CSF3R: variants seen among roughly 807,000 people sequenced by gnomAD.
CSF3R encodes colony stimulating factor 3 receptor.
Under a neutral mutation model 84.4 loss-of-function variants are expected in CSF3R, and 52 were observed. The ratio of observed to expected loss-of-function variants is 0.62; its 90% CI spans 0.49 to 0.78. CSF3R has a LOEUF of 0.78. CSF3R is among the 30% of genes least tolerant of loss of function. The pLI is 0.00. For synonymous variants in CSF3R, 384 were observed against 429.1 expected, an observed-to-expected ratio of 0.89 and a Z score of 1.30; for missense variants, 890 against 1,055.7, an observed-to-expected ratio of 0.84 and a Z score of 2.17.
chr1:36,473,964 G>T, intron 4 of CSF3R, 77 bp from the exon 5 acceptor site: 1 of 1,605,256 alleles, frequency 6.2e-7, no homozygotes, highest in Non-Finnish European at 8.5e-7. Flanking sequence ...AGCTGGCCCT[G>T]TTGCCTTGCC....
Position 36,472,222 on chromosome 1 carries a change from C to A in CSF3R, c.997+16G>T, listed in dbSNP as rs1269326447. 2 of 1,614,074 alleles carry A rather than the reference C, an allele frequency of 1.2e-6. No homozygotes were observed. The highest frequency in any genetic ancestry group is 1.3e-5 in the African/African-American group (1 of 74,918). ...GGATACTGTTGGCTGCTCCCAGCCTCTCATCACCTCCTTACCCCGTTCGGT... is the reference window on the plus strand; with the variant it reads ...GGATACTGTTGGCTGCTCCCAGCCTATCATCACCTCCTTACCCCGTTCGGT... On this transcript the variant is annotated intron_variant, in intron 8 of 16. Transcript: ENST00000373106. This position sits in a 1 kb window ranked among gnomAD's most constrained non-coding sequence, Gnocchi z 5.0.
chr1:36,473,569 T>C lies in CSF3R; in HGVS notation c.539A>G (p.Lys180Arg). The change falls in exon 6 of 17, where the codon AAG becomes AGG. Residue 180 changes from lysine to arginine, a missense_variant. Lys to Arg is a conservative substitution (Grantham distance 26). Coordinates refer to ENST00000373106, the MANE Select transcript of CSF3R (RefSeq NM_000760.4). ...GATGCAGCAGTGGCTCTGCCCGTCC[T>C]TGGGCACGCAGTCCAGGATGGAGTC... ...QGDSILDCVPKDGQSHCCIPR... is the reference protein window; with the variant it reads ...QGDSILDCVPRDGQSHCCIPR... 7 of 1,614,184 alleles carry C rather than the reference T, an allele frequency of 4.3e-6. No individual in the cohort carries two copies. Among genetic ancestry groups the C allele is most frequent in the Non-Finnish European group, 5.9e-6 (7 of 1,180,060 alleles).
At chr1:36,479,582 G>T in intron 2 of CSF3R, 66 bp from the exon 3 acceptor site, 3 of 1,289,060 alleles carry the variant, frequency 2.3e-6, no homozygotes, top group Admixed American at 1.7e-5. Flanking sequence ...ATCCTTGTCT[G>T]TCACTGTGCA....
In CSF3R at chr1:36,475,470, G is replaced by A. The variant is rs2124136418; in HGVS notation, c.268C>T (p.Pro90Ser). 1.2e-6 allele frequency: 2 copies of A among 1,614,150 alleles called. No individual in the cohort carries two copies. The highest frequency in any genetic ancestry group is 1.1e-5 in the South Asian group (1 of 91,076). The change falls in exon 4 of 17, where the codon CCC becomes TCC. Residue 90 changes from proline (P) to serine (S), a missense_variant. Coordinates refer to ENST00000373106, the MANE Select transcript of CSF3R (RefSeq NM_000760.4). The stretch of plus-strand genomic sequence containing the variant: ...AAGGCCTGAGTGTGGTTGAGGTGGG[G>A]CAGGGTGATGATAGATTCCTGGGTC... ...DGTQESIITL[P>S]HLNHTQAFLS...
chr1:36,475,252 C>T (rs756659093), intron 4 of CSF3R, 125 bp downstream of exon 4: 10 of 1,198,328 alleles, frequency 8.3e-6, no homozygotes, highest in Non-Finnish European at 1.2e-5. Flanking sequence ...GGTGATCCGC[C>T]TGCCTCGGCC....
In CSF3R at chr1:36,471,561, G is replaced by C; in HGVS notation, c.1157C>G (p.Pro386Arg). Reference sequence around the variant, plus strand: ...GCTGAGCTCTGTGGTGTTGCAGAGGGGCAGGATGGCCCCAGCCTGGCCTGA... The same window carrying C: ...GCTGAGCTCTGTGGTGTTGCAGAGGCGCAGGATGGCCCCAGCCTGGCCTGA... ...RPSGQAGAIL[P>R]LCNTTELSCT... The change falls in exon 10 of 17, where the codon CCC (proline) becomes CGC (arginine). Residue 386 changes from proline to arginine, a missense_variant. By Grantham distance (103) the Pro-to-Arg change is moderately radical. Transcript: ENST00000373106. 1 of 1,614,258 alleles carries C rather than the reference G, an allele frequency of 6.2e-7. No homozygotes were observed. Among genetic ancestry groups the C allele is most frequent in the Non-Finnish European group, 8.5e-7 (1 of 1,180,048 alleles).
At chr1:36,471,889 G>A (rs558413464) in intron 9 of CSF3R, 177 bp downstream of exon 9, 18 of 721,266 alleles carry the variant, frequency 2.5e-5, no homozygotes, top group East Asian at 1.3e-4. Context: ...TGTGACGTGC[G>A]TTACAGTCTG....
rs892304552 is a variant in CSF3R at position 36,472,976 on chromosome 1, T to G, written c.674-290A>C. On this transcript the variant is annotated intron_variant, in intron 6 of 16. Transcript: ENST00000373106. The surrounding 1 kb of genome is among the most constrained non-coding windows in gnomAD (Gnocchi z 5.0). Reference sequence around the variant, plus strand: ...ATCTGCTCAATTGTCACCCTCTTAGTGAGGCCTTTCTTGACCAGCATATTA... The same window carrying G: ...ATCTGCTCAATTGTCACCCTCTTAGGGAGGCCTTTCTTGACCAGCATATTA... 19 of 466,636 alleles carry G rather than the reference T, an allele frequency of 4.1e-5. No individual in the cohort carries two copies. Among genetic ancestry groups the G allele is most frequent in the Non-Finnish European group, 6.8e-5 (18 of 263,528 alleles). The allele number at this position is 466,636 out of a possible 1,614,324, so 28.9% of individuals were successfully genotyped here. A position where few individuals can be genotyped will look rare whatever the true frequency, so the allele number is the denominator to read the frequency against.
rs3917995 is a variant in CSF3R at position 36,468,511 on chromosome 1, G to A, written c.1577-290C>T. Reference sequence around the variant, plus strand: ...CTCTGATTTCTGCCACTCACTCTCCGAATTTATGCCAGGTCCTCTGTCCAA... The same window carrying A: ...CTCTGATTTCTGCCACTCACTCTCCAAATTTATGCCAGGTCCTCTGTCCAA... On this transcript the variant is annotated intron_variant, in intron 12 of 16. Transcript: ENST00000373106. 762 of 313,974 alleles carry A rather than the reference G, an allele frequency of 2.4e-3. 5 individuals are homozygous for A. The highest frequency in any genetic ancestry group is 0.015 in the African/African-American group (676 of 46,502). 19.4% of individuals were successfully genotyped at this position (313,974 alleles called of 1,614,324 possible).
At chr1:36,471,399 C>T (rs756158907) in intron 10 of CSF3R, 34 bp downstream of exon 10, 7 of 1,594,204 alleles carry the variant, frequency 4.4e-6, no homozygotes, top group Non-Finnish European at 6.0e-6. Flanking sequence ...ATGCGCTTGA[C>T]CTCTGTGCTC....
At position 36,466,318 on chromosome 1, in the gene CSF3R, CT is replaced by C. The variant is rs1396319053; in HGVS notation, c.*38del. On this transcript the variant is annotated 3_prime_UTR_variant, in exon 17 of 17. Coordinates refer to ENST00000373106, the MANE Select transcript of CSF3R (RefSeq NM_000760.4). This position sits in a 1 kb window ranked among gnomAD's most constrained non-coding sequence, Gnocchi z 4.6. ...CCCCTCTTCTCCAGCTAGCTCAGGCCTTTAAGAGGCAGGCCCAAGAAGGGAA... is the reference window on the plus strand; with the variant it reads ...CCCCTCTTCTCCAGCTAGCTCAGGCCTTAAGAGGCAGGCCCAAGAAGGGAA... 1 of 1,611,964 alleles carries C rather than the reference CT, an allele frequency of 6.2e-7. No individual in the cohort carries two copies. The highest frequency in any genetic ancestry group is 1.3e-5 in the African/African-American group (1 of 74,862).
Position 36,469,819 on chromosome 1 carries a change from T to A in CSF3R, c.1307A>T (p.His436Leu), listed in dbSNP as rs749559806. Residue 436 changes from histidine (H) to leucine (L), a missense_variant, in exon 11 of 17, where the codon CAT (histidine) becomes CTT (leucine). His to Leu is a moderately conservative substitution (Grantham distance 99, BLOSUM62 -3). Transcript: ENST00000373106. ...ESRGPALTRL[H>L]AMARDPHSLW... ...GCTGTGAGGGTCTCGGGCCATGGCA[T>A]GGAGTCTGGTCAGAGCTGGGCCTGG... is the stretch of plus-strand genomic sequence containing the variant. 1.5e-5 allele frequency: 25 copies of A among 1,613,922 alleles called. No homozygotes were observed. In the South Asian group the frequency reaches 2.7e-4, roughly 18 times the overall value.
In CSF3R at chr1:36,466,795, T is replaced by G. The variant is rs1570576256; in HGVS notation, c.2073A>C (p.Pro691=). The part of the protein sequence containing the change: ...DAFQLPGLGT[P]PITKLTVLEE... ...CCAGCACTGTGAGCTTGGTGATGGG[T>G]GGCGTGCCAAGGCCGGGCAGCTGGA... is the stretch of plus-strand genomic sequence containing the variant. Residue 691 remains proline (P), a synonymous_variant, in exon 17 of 17, where the codon CCA becomes CCC. Transcript: ENST00000373106. The surrounding 1 kb of genome is among the most constrained non-coding windows in gnomAD (Gnocchi z 4.6). 6.2e-7 allele frequency: 1 copy of G among 1,614,104 alleles called. No individual in the cohort carries two copies. Among genetic ancestry groups the G allele is most frequent in the Non-Finnish European group, 8.5e-7 (1 of 1,180,010 alleles).
intron 2 of CSF3R, chr1:36,479,919 G>A (rs1008186828): frequency 6.1e-6 from 2 of 330,346 alleles, no homozygotes; most frequent in Non-Finnish European, 1.2e-5. Flanking sequence ...CAGCAGATAA[G>A]GGACTGGGGA....
chr1:36,478,510 G>T (rs1651311975), intron 3 of CSF3R, among the ~76,000 whole-genome samples: 1 of 151,546 alleles, frequency 6.6e-6, no homozygotes. Context: ...GCCTGGGCAA[G>T]AGAGTGAGAC....
rs1650950729 is a variant in CSF3R at position 36,473,898 on chromosome 1, G to T, written c.362-11C>A. On this transcript the variant is annotated splice_polypyrimidine_tract_variant and intron_variant, in intron 4 of 16. Coordinates refer to ENST00000373106, the MANE Select transcript of CSF3R (RefSeq NM_000760.4). The stretch of plus-strand genomic sequence containing the variant: ...GTATGGCTGGAGGGTCTGCATGTGG[G>T]TGGGAAGAGTGTGAGGGCTTTGGGT... 2 of 1,613,906 alleles carry T rather than the reference G, an allele frequency of 1.2e-6. No homozygotes were observed. The highest frequency in any genetic ancestry group is 1.1e-5 in the South Asian group (1 of 91,070).
intron 10 of CSF3R, among the ~76,000 whole-genome samples, chr1:36,470,522 C>T (rs549657339): frequency 4.6e-5 from 7 of 152,324 alleles, no homozygotes; most frequent in South Asian, 4.1e-4. Flanking sequence ...CTCTAATAGT[C>T]ATACCCAGGA....
At position 36,469,782 on chromosome 1, in the gene CSF3R, G is replaced by T. The variant is rs1244885074; in HGVS notation, c.1344C>A (p.Gly448=). 6.2e-7 allele frequency: 1 copy of T among 1,614,144 alleles called. No individual in the cohort carries two copies. The highest frequency in any genetic ancestry group is 1.7e-5 in the Admixed American group (1 of 60,028). ...MARDPHSLWV[G]WEPPNPWPQG... The stretch of plus-strand genomic sequence containing the variant: ...GAGGCCATGGATTGGGGGGCTCCCA[G>T]CCTACCCAGAGGCTGTGAGGGTCTC... Residue 448 remains glycine (G), a synonymous_variant, in exon 11 of 17, where the codon GGC becomes GGA. Transcript: ENST00000373106.
chr1:36,472,084 T>C lies in CSF3R; in HGVS notation c.1053A>G (p.Thr351=), dbSNP rs2124121363. 6.2e-7 allele frequency: 1 copy of C among 1,613,636 alleles called. No individual in the cohort carries two copies. The highest frequency in any genetic ancestry group is 2.2e-5 in the East Asian group (1 of 44,876). ...GAGTCACCTTCCAGAACAGCTGCAC[T>C]GTCCTGGGGTCCAGCTGCCTCTGCC... ...WWRQRQLDPR[T]VQLFWKPVPL... The change falls in exon 9 of 17, where the codon ACA becomes ACG. Residue 351 remains threonine (T), a synonymous_variant. Coordinates refer to ENST00000373106, the MANE Select transcript of CSF3R (RefSeq NM_000760.4). This position sits in a 1 kb window ranked among gnomAD's most constrained non-coding sequence, Gnocchi z 5.0.
Sources: allele counts gnomAD v4.1 joint callset (sites outside exome capture counted in the v4.1 genomes callset), GRCh38; gene constraint gnomAD v4.1.1; non-coding constraint Gnocchi (gnomAD v3.1); transcripts MANE v1.5; gene names NCBI Gene and HGNC (gene_info 2026-07-23, HGNC 2026-07-21).